SEMA3A: variants seen among roughly 807,000 people sequenced by gnomAD.
The protein encoded by SEMA3A is semaphorin-3A.
A neutral mutation model predicts 97.9 loss-of-function variants in SEMA3A; 29 were observed. That is an observed-to-expected ratio of 0.30 (90% CI 0.22 to 0.40). The LOEUF is 0.40. SEMA3A is among the 10% of genes least tolerant of loss of function. The probability of loss-of-function intolerance (pLI) is 1.00; values close to 1 mark genes in which losing one functional copy is unlikely to be tolerated. For missense variants in SEMA3A, 763 were observed against 951.3 expected (o/e 0.80, Z 2.60); for synonymous variants, 321 against 323.7 (o/e 0.99, Z 0.09).
intron 2 of SEMA3A, among the ~76,000 whole-genome samples, chr7:84,349,352 A>G (rs1328217365): frequency 6.6e-6 from 1 of 152,098 alleles, no homozygotes; most frequent in East Asian, 1.9e-4. Context: ...CAATATCCTC[A>G]AATATGGTAG....
intron 1 of SEMA3A, among the ~76,000 whole-genome samples, chr7:84,478,537 C>A (rs963240464): frequency 5.9e-5 from 9 of 151,850 alleles, no homozygotes; most frequent in Non-Finnish European, 8.8e-5. Context: ...AATTTTGTTT[C>A]TTTCCAATAA....
chr7:83,985,249 CAT>C (rs2116329190), intron 13 of SEMA3A, among the ~76,000 whole-genome samples, 185 bp downstream of exon 13: 1 of 152,082 alleles, frequency 6.6e-6, no homozygotes, highest in African/African-American at 2.4e-5. Flanking sequence ...TGATCAAAAA[CAT>C]GAGGGCAATG....
At chr7:84,481,672 C>T (rs1806449039) in intron 1 of SEMA3A, among the ~76,000 whole-genome samples, 1 of 152,062 alleles carries the variant, frequency 6.6e-6, no homozygotes, top group Non-Finnish European at 1.5e-5. Context: ...TCACTCTTTT[C>T]AGCTAATTAT....
intron 5 of SEMA3A, among the ~76,000 whole-genome samples, chr7:84,056,370 T>A (rs1396568839): frequency 6.6e-6 from 1 of 152,208 alleles, no homozygotes; most frequent in African/African-American, 2.4e-5. Context: ...TGTATTGGAT[T>A]ACAATTCCTA....
chr7:84,030,758 A>G (rs1262310798), intron 6 of SEMA3A, among the ~76,000 whole-genome samples: 1 of 152,172 alleles, frequency 6.6e-6, no homozygotes, highest in Non-Finnish European at 1.5e-5. Flanking sequence ...TTTCTTCACT[A>G]TGTTAAGAAC....
At chr7:84,063,434 G>A (rs1165841224) in intron 4 of SEMA3A, among the ~76,000 whole-genome samples, 1 of 151,436 alleles carries the variant, frequency 6.6e-6, no homozygotes, top group Non-Finnish European at 1.5e-5. Flanking sequence ...ACTTTGACGA[G>A]CTGAGAGAAG....
Position 84,080,285 on chromosome 7 carries a change from T to C in SEMA3A, c.454-19727A>G, listed in dbSNP as rs551689200. Among the ~76,000 whole-genome samples the C allele has an allele frequency of 9.9e-5, 15 of 151,078 alleles. No homozygotes were observed. In the East Asian group the frequency reaches 3.0e-3, roughly 30 times the overall value. On this transcript the variant is annotated intron_variant, in intron 4 of 16. Transcript: ENST00000265362. ...AGTTAATGGGTGCAGCACACCAACA[T>C]GGCACATGTATACATATGTAACAAA...
intron 1 of SEMA3A, among the ~76,000 whole-genome samples, chr7:84,145,412 TA>T (rs1265627548): frequency 6.6e-6 from 1 of 152,154 alleles, no homozygotes; most frequent in Non-Finnish European, 1.5e-5. Flanking sequence ...TGAACCACAT[TA>T]TTTTTTTAAT....
chr7:84,288,968 T>G (rs1800669909), intron 3 of SEMA3A, among the ~76,000 whole-genome samples: 1 of 152,110 alleles, frequency 6.6e-6, no homozygotes, highest in Non-Finnish European at 1.5e-5. Flanking sequence ...AACCTATGTG[T>G]CCTTCCATAA....
At chr7:84,067,969 C>G (rs1793590923) in intron 4 of SEMA3A, among the ~76,000 whole-genome samples, 1 of 137,174 alleles carries the variant, frequency 7.3e-6, no homozygotes, top group African/African-American at 2.9e-5. Context: ...AAGACACATG[C>G]ACACGTATGT....
intron 3 of SEMA3A, among the ~76,000 whole-genome samples, chr7:84,295,696 A>G (rs935117438): frequency 6.6e-6 from 1 of 152,078 alleles, no homozygotes; most frequent in African/African-American, 2.4e-5. Context: ...ATTTGTAACT[A>G]TGCCCTCTAA....
chr7:83,982,715 T>C (rs557006522), intron 13 of SEMA3A, among the ~76,000 whole-genome samples: 30 of 152,158 alleles, frequency 2.0e-4, no homozygotes, highest in Non-Finnish European at 2.9e-4. Flanking sequence ...TTTTTAATAC[T>C]ACACATTTTC....
intron 2 of SEMA3A, among the ~76,000 whole-genome samples, chr7:84,348,004 A>G (rs1168422326): frequency 6.6e-6 from 1 of 152,146 alleles, no homozygotes; most frequent in African/African-American, 2.4e-5. Flanking sequence ...TGTTTAAAAC[A>G]TTAATGAGAG....
intron 2 of SEMA3A, among the ~76,000 whole-genome samples, chr7:84,368,872 G>A (rs891196651): frequency 1.3e-5 from 2 of 150,704 alleles, no homozygotes; most frequent in Non-Finnish European, 1.5e-5. Flanking sequence ...AATAACAAGT[G>A]TAAGATAAAG....
At chr7:84,344,894 G>C (rs2116001163) in intron 2 of SEMA3A, among the ~76,000 whole-genome samples, 1 of 152,094 alleles carries the variant, frequency 6.6e-6, no homozygotes, top group South Asian at 2.1e-4. Context: ...AAACAATAAG[G>C]CAAGGCACAC....
At chr7:84,390,358 T>G (rs1803509084) in intron 1 of SEMA3A, among the ~76,000 whole-genome samples, 1 of 149,338 alleles carries the variant, frequency 6.7e-6, no homozygotes, top group Non-Finnish European at 1.5e-5. Context: ...ATTATTATTA[T>G]TATTATTATA....
intron 2 of SEMA3A, among the ~76,000 whole-genome samples, chr7:84,134,476 G>A (rs1219701882): frequency 6.6e-6 from 1 of 152,168 alleles, no homozygotes; most frequent in African/African-American, 2.4e-5. Flanking sequence ...CATATAAATA[G>A]TTCATGAAGT....
At chr7:84,446,067 T>C (rs1423637135) in intron 1 of SEMA3A, among the ~76,000 whole-genome samples, 1 of 152,162 alleles carries the variant, frequency 6.6e-6, no homozygotes, top group Non-Finnish European at 1.5e-5. Context: ...AAGAGGTCAC[T>C]ATAAGCAACT....
intron 2 of SEMA3A, among the ~76,000 whole-genome samples, chr7:84,354,966 C>CT (rs1225749872): frequency 6.6e-6 from 1 of 151,544 alleles, no homozygotes; most frequent in East Asian, 1.9e-4. Flanking sequence ...AGTTTTTCTC[C>CT]TATTTCAACT....
Sources: gnomAD v4.1 joint callset for allele counts (sites outside exome capture counted in the v4.1 genomes callset) on GRCh38, gnomAD v4.1.1 for gene constraint, MANE v1.5 for transcripts, NCBI Gene and HGNC (gene_info 2026-07-23, HGNC 2026-07-21) for gene names.